The following CDK6 variants were observed in gnomAD, a reference collection of about 807,000 sequenced individuals.
The protein encoded by CDK6 is cyclin-dependent kinase 6.
Under a neutral mutation model 37.1 loss-of-function variants are expected in CDK6, and 6 were observed. That is an observed-to-expected ratio of 0.16 (90% CI 0.09 to 0.32). The LOEUF is 0.32. Among genes scored for constraint, CDK6 ranks in the 10% least tolerant of loss-of-function variants. CDK6 has a pLI of 1.00. For synonymous variants in CDK6, 160 were observed against 161.3 expected, an observed-to-expected ratio of 0.99 and a Z score of 0.06; for missense variants, 224 against 418.9, an observed-to-expected ratio of 0.53 and a Z score of 4.06.
chr7:92,653,165 G>A (rs1749766124), intron 5 of CDK6, among the ~76,000 whole-genome samples: 1 of 152,096 alleles, frequency 6.6e-6, no homozygotes, highest in Admixed American at 6.5e-5. Flanking sequence ...TTCCAAATGT[G>A]CTCCACGTCA....
chr7:92,647,504 A>G lies in CDK6; in HGVS notation c.647+23922T>C, dbSNP rs551800578. ...TCTCTGCAGGCAGTTTCTTGAAGGG[A>G]CCGATATAACTGCTGCTTCTGCACA... On this transcript the variant is annotated intron_variant, in intron 5 of 7. Coordinates refer to ENST00000424848, the MANE Select transcript of CDK6 (RefSeq NM_001145306.2). Among the ~76,000 whole-genome samples the G allele has an allele frequency of 2.0e-4, 30 of 152,278 alleles. No individual in the cohort carries two copies. The South Asian group carries it at 5.6e-3, about 28-fold the overall frequency.
In CDK6 at chr7:92,608,942, T is replaced by C. The variant is rs1795497356; in HGVS notation, c.*6198A>G. 3 of 232,936 alleles carry C rather than the reference T, an allele frequency of 1.3e-5. No homozygotes were observed. The South Asian group carries it at 5.4e-4, about 42-fold the overall frequency. 14.4% of individuals were successfully genotyped at this position (232,936 alleles called of 1,614,324 possible). On this transcript the variant is annotated 3_prime_UTR_variant, in exon 8 of 8. Coordinates refer to ENST00000424848, the MANE Select transcript of CDK6 (RefSeq NM_001145306.2). ...GAATCAAGTTTTGAGCACGAGCAAA[T>C]GGGGTTCAGACTGGCCACTGTTATA...
intron 4 of CDK6, among the ~76,000 whole-genome samples, chr7:92,674,287 CCA>C (rs1585388946): frequency 2.0e-5 from 3 of 152,178 alleles, no homozygotes; most frequent in Admixed American, 6.5e-5. Flanking sequence ...GATGCCAGCA[CCA>C]CCCTGTTGCA....
chr7:92,667,548 A>T (rs1360695623), intron 5 of CDK6, among the ~76,000 whole-genome samples: 1 of 143,754 alleles, frequency 7.0e-6, no homozygotes, highest in Non-Finnish European at 1.5e-5. Flanking sequence ...AAAAAATTTA[A>T]AAAGTTTTTT....
intron 5 of CDK6, among the ~76,000 whole-genome samples, chr7:92,664,087 G>A (rs1796900590): frequency 6.6e-6 from 1 of 151,888 alleles, no homozygotes; most frequent in Non-Finnish European, 1.5e-5. Context: ...CTTGCAGTGA[G>A]CCAAGATCGT....
chr7:92,679,730 T>C (rs1184302011), intron 4 of CDK6, among the ~76,000 whole-genome samples: 3 of 152,120 alleles, frequency 2.0e-5, no homozygotes, highest in Non-Finnish European at 2.9e-5. Flanking sequence ...TTTACTTCTT[T>C]TTTTTTTCGA....
At chr7:92,786,867 T>A (rs544816013) in intron 2 of CDK6, among the ~76,000 whole-genome samples, 2 of 152,142 alleles carry the variant, frequency 1.3e-5, no homozygotes, top group African/African-American at 4.8e-5. Context: ...ATTCCACATA[T>A]GTAAACATAA....
intron 3 of CDK6, among the ~76,000 whole-genome samples, chr7:92,728,780 C>T (rs1472500387): frequency 6.6e-6 from 1 of 151,832 alleles, no homozygotes; most frequent in Admixed American, 6.6e-5. Context: ...TTTTGTTTAG[C>T]AAATGGCTTT....
At chr7:92,816,062 C>T (rs962867185) in intron 2 of CDK6, among the ~76,000 whole-genome samples, 3 of 152,044 alleles carry the variant, frequency 2.0e-5, no homozygotes, top group African/African-American at 7.2e-5. Flanking sequence ...AAAACTGAAC[C>T]ACACATAACT....
chr7:92,719,347 G>A (rs1445010488), intron 4 of CDK6, among the ~76,000 whole-genome samples: 1 of 151,980 alleles, frequency 6.6e-6, no homozygotes, highest in Non-Finnish European at 1.5e-5. Context: ...GCAATATTGG[G>A]AATCTTATCA....
At chr7:92,769,150 G>C (rs1799651580) in intron 3 of CDK6, among the ~76,000 whole-genome samples, 1 of 152,086 alleles carries the variant, frequency 6.6e-6, no homozygotes, top group African/African-American at 2.4e-5. Context: ...TGAAGTCTGG[G>C]TTTTGTAAAA....
At chr7:92,770,488 G>T (rs886784718) in intron 3 of CDK6, among the ~76,000 whole-genome samples, 1 of 152,062 alleles carries the variant, frequency 6.6e-6, no homozygotes, top group South Asian at 2.1e-4. Context: ...GCAATAATTA[G>T]AGTTTCCCCA....
intron 4 of CDK6, among the ~76,000 whole-genome samples, chr7:92,702,146 C>T (rs1340942415): frequency 6.9e-6 from 1 of 145,560 alleles, no homozygotes; most frequent in Non-Finnish European, 1.5e-5. Context: ...TCTTATAAGG[C>T]TGATTCTTTC....
chr7:92,792,224 G>C (rs1457268663), intron 2 of CDK6, among the ~76,000 whole-genome samples: 1 of 152,134 alleles, frequency 6.6e-6, no homozygotes, highest in African/African-American at 2.4e-5. Context: ...CTCTTCAGCT[G>C]TCTATCAGGA....
chr7:92,622,891 C>A (rs1795835510), intron 6 of CDK6, 145 bp downstream of exon 6: 4 of 598,714 alleles, frequency 6.7e-6, no homozygotes, highest in Non-Finnish European at 1.2e-5. Flanking sequence ...TGTCTCCACT[C>A]ACCACACAAA....
intron 5 of CDK6, among the ~76,000 whole-genome samples, chr7:92,626,949 T>C (rs1184190224): frequency 1.3e-5 from 2 of 152,078 alleles, no homozygotes; most frequent in Non-Finnish European, 1.5e-5. Context: ...AAAAGGTAGT[T>C]TGGCATACCT....
intron 2 of CDK6, among the ~76,000 whole-genome samples, chr7:92,816,599 G>A (rs932591415): frequency 6.6e-6 from 1 of 151,948 alleles, no homozygotes; most frequent in African/African-American, 2.4e-5. Context: ...TGAAAATTAA[G>A]CCACAACATA....
chr7:92,736,277 A>G (rs1451120241), intron 3 of CDK6, among the ~76,000 whole-genome samples: 1 of 152,188 alleles, frequency 6.6e-6, no homozygotes, highest in Non-Finnish European at 1.5e-5. Context: ...CATACACATA[A>G]TAAATTGCTA....
At chr7:92,673,031 A>G (rs963811079) in intron 4 of CDK6, among the ~76,000 whole-genome samples, 1 of 152,240 alleles carries the variant, frequency 6.6e-6, no homozygotes, top group Admixed American at 6.5e-5. Flanking sequence ...ATGTTAGGTC[A>G]TAAGAAGCCT....
Sources: gnomAD v4.1 joint callset for allele counts (sites outside exome capture counted in the v4.1 genomes callset) on GRCh38, gnomAD v4.1.1 for gene constraint, MANE v1.5 for transcripts, NCBI Gene and HGNC (gene_info 2026-07-23, HGNC 2026-07-21) for gene names.